The following SYN3 variants were observed in gnomAD, a reference collection of about 807,000 sequenced individuals.
SYN3 encodes the protein synapsin III.
A neutral mutation model predicts 65.8 loss-of-function variants in SYN3; 35 were observed. The ratio of observed to expected loss-of-function variants is 0.53; its 90% CI spans 0.41 to 0.70. SYN3 has a LOEUF of 0.70. Ranked by LOEUF, SYN3 falls within the 30% of genes least tolerant of loss-of-function variation. SYN3 has a pLI of 0.00. For missense variants in SYN3, 680 were observed against 749.0 expected (o/e 0.91, Z 1.08); for synonymous variants, 270 against 292.9 (o/e 0.92, Z 0.80).
At chr22:32,534,222 C>T (rs1018301787) in intron 9 of SYN3, among the ~76,000 whole-genome samples, 2 of 152,078 alleles carry the variant, frequency 1.3e-5, no homozygotes, top group Admixed American at 6.5e-5. Context: ...GAGGTCTCCC[C>T]CGACCCCAGG....
chr22:32,720,446 G>A (rs1351274090), intron 6 of SYN3, among the ~76,000 whole-genome samples: 1 of 152,202 alleles, frequency 6.6e-6, no homozygotes, highest in African/African-American at 2.4e-5. Flanking sequence ...CAAGTGACTT[G>A]CCCATGTGAG....
chr22:32,656,626 G>A (rs2060145437), intron 6 of SYN3, among the ~76,000 whole-genome samples: 1 of 152,182 alleles, frequency 6.6e-6, no homozygotes, highest in African/African-American at 2.4e-5. Context: ...AAGGAGTCTT[G>A]TCTTAAGCAA....
chr22:32,732,171 T>A (rs989890759), intron 6 of SYN3, among the ~76,000 whole-genome samples: 5 of 152,210 alleles, frequency 3.3e-5, no homozygotes, highest in African/African-American at 1.2e-4. Context: ...GTATTCCCAA[T>A]GAGATCTTAT....
intron 1 of SYN3, among the ~76,000 whole-genome samples, chr22:33,031,386 AC>A (rs1401816119): frequency 1.3e-5 from 2 of 151,750 alleles, no homozygotes; most frequent in Non-Finnish European, 2.9e-5. Flanking sequence ...CACCTCCCAG[AC>A]CCCGACCACC....
At chr22:33,028,682 G>GTGGTGGTGGTGA (rs1881305096) in intron 1 of SYN3, among the ~76,000 whole-genome samples, 7 of 94,680 alleles carry the variant, frequency 7.4e-5, no homozygotes, top group South Asian at 2.5e-4. Context: ...GGTGGTGGTG[G>GTGGTGGTGGTGA]TGGTGGTGAT....
chr22:32,602,198 T>C (rs1358649911), intron 6 of SYN3, among the ~76,000 whole-genome samples: 2 of 152,154 alleles, frequency 1.3e-5, no homozygotes, highest in African/African-American at 2.4e-5. Flanking sequence ...CTACAGATGT[T>C]TTTATTTTCT....
At chr22:32,594,382 A>G (rs2059168725) in intron 7 of SYN3, among the ~76,000 whole-genome samples, 3 of 152,334 alleles carry the variant, frequency 2.0e-5, no homozygotes, top group African/African-American at 7.2e-5. Context: ...TTGACTGATG[A>G]GGAAACCAAG....
intron 6 of SYN3, among the ~76,000 whole-genome samples, chr22:32,650,279 C>CTTTTTTTTTTTTT (rs1371405589): frequency 8.9e-6 from 1 of 111,818 alleles, no homozygotes; most frequent in African/African-American, 3.6e-5. Context: ...CTCTCTCTTT[C>CTTTTTTTTTTTTT]TTTTTGAGAC....
intron 6 of SYN3, among the ~76,000 whole-genome samples, chr22:32,841,314 T>C (rs1008392877): frequency 5.3e-5 from 8 of 152,136 alleles, no homozygotes; most frequent in Admixed American, 2.6e-4. Flanking sequence ...CAGTGTCTGA[T>C]AGAGCACAGT....
At chr22:32,913,885 G>A (rs1053241118) in intron 4 of SYN3, among the ~76,000 whole-genome samples, 8 of 152,180 alleles carry the variant, frequency 5.3e-5, no homozygotes, top group Admixed American at 2.6e-4. Context: ...ACTCTTTAAC[G>A]GGAGAGGCAA....
intron 3 of SYN3, among the ~76,000 whole-genome samples, chr22:32,969,314 T>C (rs1394630246): frequency 2.0e-5 from 3 of 152,164 alleles, no homozygotes; most frequent in South Asian, 4.1e-4. Context: ...ACACAGTCCA[T>C]GTTGTGTTCA....
chr22:33,031,400 C>T (rs994496852), intron 1 of SYN3, among the ~76,000 whole-genome samples: 2 of 152,080 alleles, frequency 1.3e-5, no homozygotes, highest in Non-Finnish European at 1.5e-5. Flanking sequence ...CGACCACCAC[C>T]AACCCTTATC....
intron 6 of SYN3, among the ~76,000 whole-genome samples, chr22:32,651,589 A>AATGAATGAATGAAC (rs1569126139): frequency 8.7e-6 from 1 of 115,148 alleles, no homozygotes; most frequent in East Asian, 1.1e-3. Context: ...AATGAATGAA[A>AATGAATGAATGAAC]AGGCTTTAAA....
intron 6 of SYN3, among the ~76,000 whole-genome samples, chr22:32,804,486 A>C (rs1462438485): frequency 1.3e-5 from 2 of 152,220 alleles, no homozygotes; most frequent in African/African-American, 4.8e-5. Context: ...AGGTGTTCAC[A>C]TCAGCCCATC....
intron 6 of SYN3, among the ~76,000 whole-genome samples, chr22:32,610,097 A>G (rs2059421203): frequency 6.6e-6 from 1 of 152,182 alleles, no homozygotes; most frequent in African/African-American, 2.4e-5. Context: ...CCTGGGCAAT[A>G]TGGTGAAACC....
At chr22:32,688,696 C>T (rs1482422799) in intron 6 of SYN3, among the ~76,000 whole-genome samples, 10 of 135,838 alleles carry the variant, frequency 7.4e-5, no homozygotes, top group Admixed American at 6.3e-4. Flanking sequence ...GCCTTGTCCT[C>T]CACCACTCCC....
chr22:33,000,507 A>G lies in SYN3; in HGVS notation c.311+5845T>C, dbSNP rs1432926620. Among the ~76,000 whole-genome samples the G allele has an allele frequency of 2.0e-5, 3 of 152,178 alleles. No homozygotes were observed. In the East Asian group the frequency reaches 5.8e-4, roughly 29 times the overall value. ...ACAAGCTGGACACATCAGGCAGGGA[A>G]GAGTGGTATCCTGCAATTACCCCAC... is the stretch of plus-strand genomic sequence containing the variant. On this transcript the variant is annotated intron_variant, in intron 2 of 13. Transcript: ENST00000358763.
At chr22:32,818,975 G>GCCT (rs760360308) in intron 6 of SYN3, among the ~76,000 whole-genome samples, 4 of 152,288 alleles carry the variant, frequency 2.6e-5, no homozygotes, top group South Asian at 2.1e-4. Context: ...CCTATTTCCT[G>GCCT]CCTCCTCCTC....
At chr22:32,522,748 T>C (rs1193377030) in intron 12 of SYN3, among the ~76,000 whole-genome samples, 1 of 152,206 alleles carries the variant, frequency 6.6e-6, no homozygotes, top group African/African-American at 2.4e-5. Flanking sequence ...TTGCTTCACC[T>C]GCATTTATCT....
Sources: gnomAD v4.1 joint callset for allele counts (sites outside exome capture counted in the v4.1 genomes callset) on GRCh38, gnomAD v4.1.1 for gene constraint, MANE v1.5 for transcripts, NCBI Gene and HGNC (gene_info 2026-07-23, HGNC 2026-07-21) for gene names.